NOX4: variants seen among roughly 807,000 people sequenced by gnomAD.
The protein encoded by NOX4 is NADPH oxidase 4, also known as kidney oxidase-1.
NOX4 carries 69 observed loss-of-function variants against 87.6 expected under a neutral mutation model. That is an observed-to-expected ratio of 0.79 (90% confidence interval 0.65 to 0.96). The LOEUF (loss-of-function observed/expected upper bound fraction) is 0.96, where lower values mean the gene tolerates loss of function less well. Among genes scored for constraint, NOX4 ranks in the 40% least tolerant of loss-of-function variants. NOX4 has a pLI of 0.00. For synonymous variants in NOX4, 275 were observed against 238.2 expected (o/e 1.15, Z -1.42); for missense variants, 680 against 681.5 (o/e 1.00, Z 0.02).
intron 12 of NOX4, among the ~76,000 whole-genome samples, chr11:89,358,221 C>T (rs1007808623): frequency 4.0e-5 from 6 of 151,582 alleles, no homozygotes; most frequent in Non-Finnish European, 8.8e-5. Context: ...CCTGTCTCTA[C>T]TAAAAATACA....
chr11:89,560,120 G>C, the NOX4 span, among the ~76,000 whole-genome samples: 1 of 151,658 alleles, frequency 6.6e-6, no homozygotes, highest in Non-Finnish European at 1.5e-5. Flanking sequence ...TTTGGACACA[G>C]ACACACACAC....
chr11:89,520,956 T>C, the NOX4 span, among the ~76,000 whole-genome samples: 1 of 151,878 alleles, frequency 6.6e-6, no homozygotes, highest in Admixed American at 6.6e-5. Context: ...GCCACACACA[T>C]AAAATACCTA....
At chr11:89,481,373 A>T (rs750802438) in intron 2 of NOX4, among the ~76,000 whole-genome samples, 1 of 135,612 alleles carries the variant, frequency 7.4e-6, no homozygotes, top group Admixed American at 7.1e-5. Context: ...AGTAATAGTT[A>T]TCAATTTGCT....
At chr11:89,520,225 G>A in the NOX4 span, among the ~76,000 whole-genome samples, 1 of 151,896 alleles carries the variant, frequency 6.6e-6, no homozygotes, top group African/African-American at 2.4e-5. Context: ...AAGGTAAAAT[G>A]TCTTATTTCC....
intron 4 of NOX4, among the ~76,000 whole-genome samples, chr11:89,446,640 C>G (rs987866004): frequency 6.6e-6 from 1 of 152,060 alleles, no homozygotes; most frequent in Non-Finnish European, 1.5e-5. Context: ...TAGCATGATT[C>G]CAACTATATT....
chr11:89,416,729 G>A lies in NOX4; in HGVS notation c.629+5173C>T, dbSNP rs568867111. On this transcript the variant is annotated intron_variant, in intron 8 of 17. Transcript: ENST00000263317. ...CAAAGCCTGCCCACTGTGCTCCCCT[G>A]GCATAAAGAATAAATGTTTTTAAAA... Among the ~76,000 whole-genome samples the A allele has an allele frequency of 3.9e-5, 6 of 152,020 alleles. No individual in the cohort carries two copies. In the South Asian group the frequency reaches 6.2e-4, roughly 16 times the overall value.
chr11:89,404,493 G>A (rs901529173), intron 8 of NOX4, among the ~76,000 whole-genome samples: 6 of 152,132 alleles, frequency 3.9e-5, no homozygotes, highest in Non-Finnish European at 8.8e-5. Flanking sequence ...CTGGGGTAGT[G>A]TTTTAATAAT....
chr11:89,420,438 C>A (rs557990343), intron 8 of NOX4, among the ~76,000 whole-genome samples: 33 of 151,886 alleles, frequency 2.2e-4, no homozygotes, highest in Non-Finnish European at 4.7e-4. Flanking sequence ...CTTTTATCTA[C>A]CAAGGGCTTT....
the NOX4 span, among the ~76,000 whole-genome samples, chr11:89,505,171 C>G: frequency 6.6e-6 from 1 of 151,910 alleles, no homozygotes; most frequent in Non-Finnish European, 1.5e-5. Flanking sequence ...ATTATAAACT[C>G]TTAAATATCA....
chr11:89,547,235 G>T, the NOX4 span, among the ~76,000 whole-genome samples: 3 of 152,000 alleles, frequency 2.0e-5, no homozygotes, highest in Non-Finnish European at 4.4e-5. Flanking sequence ...AATCACATGG[G>T]GGGGGACAAT....
At chr11:89,432,704 G>A in intron 7 of NOX4, 80 bp downstream of exon 7, 7 of 993,770 alleles carry the variant, frequency 7.0e-6, no homozygotes, top group Non-Finnish European at 1.1e-5. Flanking sequence ...ACACTACAAT[G>A]GTTAAACATT....
At chr11:89,454,592 T>C (rs1591298399) in intron 2 of NOX4, among the ~76,000 whole-genome samples, 2 of 152,140 alleles carry the variant, frequency 1.3e-5, no homozygotes, top group South Asian at 4.1e-4. Context: ...GAAAGTGTAA[T>C]TGCATATTTC....
At chr11:89,507,476 A>T in the NOX4 span, among the ~76,000 whole-genome samples, 2 of 151,560 alleles carry the variant, frequency 1.3e-5, no homozygotes, top group South Asian at 4.2e-4. Context: ...TATAATATAT[A>T]ACAATGTAAT....
chr11:89,326,661 T>G lies in NOX4; in HGVS notation c.*95A>C. 1 of 1,032,898 alleles carries G rather than the reference T, an allele frequency of 9.7e-7. No homozygotes were observed. The highest frequency in any genetic ancestry group is 1.4e-6 in the Non-Finnish European group (1 of 716,738). 64.0% of individuals were successfully genotyped at this position (1,032,898 alleles called of 1,614,324 possible). A position where few individuals can be genotyped will look rare whatever the true frequency, so the allele number is the denominator to read the frequency against. On this transcript the variant is annotated 3_prime_UTR_variant, in exon 18 of 18. Transcript: ENST00000263317. The stretch of plus-strand genomic sequence containing the variant: ...CATAAATAAGAAAACCTTACTATTC[T>G]TTGGCATAACACAGCTGATTGATTC...
chr11:89,518,842 A>T, the NOX4 span, among the ~76,000 whole-genome samples: 2 of 152,094 alleles, frequency 1.3e-5, no homozygotes, highest in Admixed American at 6.6e-5. Context: ...CTCTATTTTT[A>T]AAAATTTCTT....
At chr11:89,564,353 G>A in the NOX4 span, among the ~76,000 whole-genome samples, 1 of 152,162 alleles carries the variant, frequency 6.6e-6, no homozygotes, top group Non-Finnish European at 1.5e-5. Context: ...ACAGGAGCAG[G>A]AGGAAGAGAG....
intron 2 of NOX4, among the ~76,000 whole-genome samples, chr11:89,456,743 G>C (rs149563984): frequency 1.8e-3 from 279 of 152,290 alleles, no homozygotes; most frequent in African/African-American, 6.3e-3. Context: ...AGTTGGCAGA[G>C]AGATGGAAGA....
At position 89,325,905 on chromosome 11, in the gene NOX4, A is replaced by G. The variant is rs376992768; in HGVS notation, c.*851T>C. The G allele has an allele frequency of 4.6e-5, 6 of 131,430 alleles. No homozygotes were observed. The highest frequency in any genetic ancestry group is 2.2e-4 in the South Asian group (1 of 4,468). The allele number at this position is 131,430 out of a possible 1,614,324, so 8.1% of individuals were successfully genotyped here. Reference sequence around the variant, plus strand: ...TATGTGTATATATATATATATATATATATATGTGTGTGTGTGTGTATATAT... The same window carrying G: ...TATGTGTATATATATATATATATATGTATATGTGTGTGTGTGTGTATATAT... On this transcript the variant is annotated 3_prime_UTR_variant, in exon 18 of 18. Coordinates refer to ENST00000263317, the MANE Select transcript of NOX4 (RefSeq NM_016931.5).
At chr11:89,400,157 A>T in intron 10 of NOX4, 58 bp downstream of exon 10, 1 of 1,586,096 alleles carries the variant, frequency 6.3e-7, no homozygotes, top group Non-Finnish European at 8.6e-7. Flanking sequence ...TGTTTGCTAA[A>T]TTCCAAAAAT....
Sources: gnomAD v4.1 joint callset for allele counts (sites outside exome capture counted in the v4.1 genomes callset) on GRCh38, gnomAD v4.1.1 for gene constraint, MANE v1.5 for transcripts, NCBI Gene and HGNC (gene_info 2026-07-23, HGNC 2026-07-21) for gene names.